AVL9: variants seen among roughly 807,000 people sequenced by gnomAD.
AVL9 encodes AVL9 cell migration associated, also known as late secretory pathway protein AVL9 homolog.
A neutral mutation model predicts 79.2 loss-of-function variants in AVL9; 49 were observed. That is an observed-to-expected ratio of 0.62 (90% CI 0.49 to 0.79). AVL9 has a LOEUF of 0.79. AVL9 is among the 30% of genes least tolerant of loss of function. The probability of loss-of-function intolerance (pLI) is 0.00; values close to 1 mark genes in which losing one functional copy is unlikely to be tolerated. For missense variants in AVL9, 682 were observed against 776.8 expected (o/e 0.88, Z 1.45); for synonymous variants, 299 against 280.6 (o/e 1.07, Z -0.65).
chr7:32,576,166 A>G (rs762313276), intron 13 of AVL9, 94 bp downstream of exon 13: 6 of 862,682 alleles, frequency 7.0e-6, no homozygotes, highest in Admixed American at 6.3e-5. Context: ...GATATTGTGA[A>G]TATCCTCAAG....
At chr7:32,570,954 G>C (rs1239496827) in intron 11 of AVL9, among the ~76,000 whole-genome samples, 1 of 146,448 alleles carries the variant, frequency 6.8e-6, no homozygotes, top group Non-Finnish European at 1.5e-5. Context: ...ATGAGGCTCG[G>C]CGCAGTGGCT....
At position 32,559,143 on chromosome 7, in the gene AVL9, C is replaced by T; in HGVS notation, c.894C>T (p.Phe298=). The T allele has an allele frequency of 6.2e-7, 1 of 1,613,988 alleles. No individual in the cohort carries two copies. The highest frequency in any genetic ancestry group is 1.1e-5 in the South Asian group (1 of 91,060). The change falls in exon 10 of 16, where the codon TTC becomes TTT. Residue 298 remains phenylalanine, a synonymous_variant. Transcript: ENST00000318709. ...DAAMKTEEPL[F]QVEDSSKGQE... Reference sequence around the variant, plus strand: ...CCATGAAGACTGAGGAGCCTTTGTTCCAAGTGGAAGACAGCAGCAAAGGGC... The same window carrying T: ...CCATGAAGACTGAGGAGCCTTTGTTTCAAGTGGAAGACAGCAGCAAAGGGC...
intron 13 of AVL9, among the ~76,000 whole-genome samples, chr7:32,577,620 C>T (rs193217480): frequency 6.6e-6 from 1 of 152,200 alleles, no homozygotes; most frequent in Admixed American, 6.5e-5. Flanking sequence ...CTCCCTGGGC[C>T]CTGCACTGGG....
chr7:32,567,142 C>T (rs77485129), intron 10 of AVL9, among the ~76,000 whole-genome samples: 3,700 of 152,214 alleles, frequency 0.024, 60 homozygotes, highest in Middle Eastern at 0.037. Context: ...TTGCTTTTCA[C>T]CCAGGCTGGA....
intron 1 of AVL9, among the ~76,000 whole-genome samples, chr7:32,529,046 G>A (rs1788525631): frequency 6.6e-6 from 1 of 152,184 alleles, no homozygotes; most frequent in Non-Finnish European, 1.5e-5. Flanking sequence ...ACTAAGCATT[G>A]TGTTAGTTGT....
chr7:32,572,670 T>C lies in AVL9; in HGVS notation c.1351-529T>C, dbSNP rs1301068237. Among the ~76,000 whole-genome samples, 847 of 144,404 alleles carry C rather than the reference T, an allele frequency of 5.9e-3. 40 individuals are homozygous for C. The highest frequency in any genetic ancestry group is 0.023 in the African/African-American group (788 of 34,928). 94.7% of individuals were successfully genotyped at this position (144,404 alleles called of 152,430 possible). On this transcript the variant is annotated intron_variant, in intron 11 of 15. Coordinates refer to ENST00000318709, the MANE Select transcript of AVL9 (RefSeq NM_015060.3). ...ACAAAAAATTAGCCGGGCGTGGTGG[T>C]GGGCGCCTGTAGTCCCAGCTACTCA...
At chr7:32,548,759 A>G (rs1789655673) in intron 3 of AVL9, 88 bp from the exon 4 acceptor site, 1 of 891,526 alleles carries the variant, frequency 1.1e-6, no homozygotes, top group Non-Finnish European at 1.6e-6. Flanking sequence ...GAAATTTCTT[A>G]TATATAATTT....
At chr7:32,556,169 TA>T (rs1201723035) in intron 8 of AVL9, among the ~76,000 whole-genome samples, 16 of 152,284 alleles carry the variant, frequency 1.1e-4, no homozygotes, top group South Asian at 4.1e-4. Context: ...GAACATAGGT[TA>T]TTTTTTTTAA....
chr7:32,575,970 T>C lies in AVL9; in HGVS notation c.1586T>C (p.Leu529Ser). 12 of 1,611,350 alleles carry C rather than the reference T, an allele frequency of 7.4e-6. No homozygotes were observed. Among genetic ancestry groups the C allele is most frequent in the Middle Eastern group, 1.7e-4 (1 of 6,048 alleles). Residue 529 changes from leucine to serine, a missense_variant, in exon 13 of 16, where the codon TTA (leucine) becomes TCA (serine). Leu to Ser is a moderately radical substitution (Grantham distance 145). Transcript: ENST00000318709. ...ATLQLDNEKILSDYGTTFVTA... is the reference protein window; with the variant it reads ...ATLQLDNEKISSDYGTTFVTA... ...TACTTGACAGACAATGAAAAGATATTATCGGACTATGGGACAACTTTTGTT... is the reference window on the plus strand; with the variant it reads ...TACTTGACAGACAATGAAAAGATATCATCGGACTATGGGACAACTTTTGTT...
At chr7:32,538,349 G>A (rs1789011680) in intron 1 of AVL9, 1 of 152,112 alleles carries the variant, frequency 6.6e-6, no homozygotes, top group Non-Finnish European at 1.5e-5. Flanking sequence ...AATCCTAAAA[G>A]CAATACATAT....
chr7:32,583,298 A>G (rs1791599244), intron 15 of AVL9, among the ~76,000 whole-genome samples: 3 of 152,242 alleles, frequency 2.0e-5, no homozygotes, highest in Admixed American at 1.3e-4. Flanking sequence ...ACGCTAAAAA[A>G]TCATCTATTT....
chr7:32,513,248 C>T (rs1280732939), intron 1 of AVL9, among the ~76,000 whole-genome samples: 4 of 152,144 alleles, frequency 2.6e-5, no homozygotes, highest in African/African-American at 9.7e-5. Flanking sequence ...CCAATGGATT[C>T]CCTCCTCAGC....
chr7:32,580,886 T>C lies in AVL9; in HGVS notation c.1827T>C (p.Ala609=), dbSNP rs1273455696. 22 of 1,613,318 alleles carry C rather than the reference T, an allele frequency of 1.4e-5. No individual in the cohort carries two copies. The highest frequency in any genetic ancestry group is 1.9e-5 in the Non-Finnish European group (22 of 1,179,542). ...TSRNVVQTGK[A]VGQSVGGAFS... ...GGAATGTTGTACAAACAGGAAAAGC[T>C]GTTGGTAAGACATGCCTTTAGCCAG... The change falls in exon 15 of 16, where the codon GCT becomes GCC. Residue 609 remains alanine (A), a synonymous_variant. Transcript: ENST00000318709.
chr7:32,552,733 T>C (rs1217297331), intron 6 of AVL9, among the ~76,000 whole-genome samples: 2 of 152,042 alleles, frequency 1.3e-5, no homozygotes, highest in African/African-American at 4.8e-5. Context: ...TTTGTTTGTT[T>C]TGGGTTTTTT....
intron 10 of AVL9, among the ~76,000 whole-genome samples, chr7:32,567,097 T>C (rs1035492610): frequency 2.0e-5 from 3 of 152,208 alleles, no homozygotes; most frequent in Admixed American, 6.5e-5. Flanking sequence ...TTCATTTTAT[T>C]TGTAACTTTG....
In AVL9 at chr7:32,580,855, C is replaced by T; in HGVS notation, c.1796C>T (p.Thr599Ile). 6.2e-7 allele frequency: 1 copy of T among 1,613,910 alleles called. No individual in the cohort carries two copies. The highest frequency in any genetic ancestry group is 8.5e-7 in the Non-Finnish European group (1 of 1,179,936). ...GKKIGNVMVT[T>I]SRNVVQTGKA... ...AAAATTGGAAACGTCATGGTCACAACTAGCCGGAATGTTGTACAAACAGGA... is the reference window on the plus strand; with the variant it reads ...AAAATTGGAAACGTCATGGTCACAATTAGCCGGAATGTTGTACAAACAGGA... Residue 599 changes from threonine (T) to isoleucine (I), a missense_variant, in exon 15 of 16, where the codon ACT (threonine) becomes ATT (isoleucine). Transcript: ENST00000318709.
intron 1 of AVL9, among the ~76,000 whole-genome samples, chr7:32,516,989 T>G (rs1787930453): frequency 6.6e-6 from 1 of 152,244 alleles, no homozygotes; most frequent in Admixed American, 6.5e-5. Flanking sequence ...CTTTCTTTTC[T>G]GCCTGCTTTA....
intron 1 of AVL9, among the ~76,000 whole-genome samples, chr7:32,516,766 TAAA>T (rs33970150): frequency 2.2e-5 from 3 of 134,364 alleles, no homozygotes; most frequent in African/African-American, 5.6e-5. Context: ...CCTAGGCCTT[TAAA>T]AAAAAAAAAA....
intron 1 of AVL9, among the ~76,000 whole-genome samples, chr7:32,512,717 A>T (rs1248631108): frequency 3.9e-5 from 6 of 152,234 alleles, no homozygotes; most frequent in African/African-American, 1.4e-4. Flanking sequence ...TGCCCCAAAG[A>T]GCTGAAGAAA....
Sources: allele counts gnomAD v4.1 joint callset (sites outside exome capture counted in the v4.1 genomes callset), GRCh38; gene constraint gnomAD v4.1.1; transcripts MANE v1.5; gene names NCBI Gene and HGNC (gene_info 2026-07-23, HGNC 2026-07-21).